NET1: variants seen among roughly 807,000 people sequenced by gnomAD.
NET1 encodes the protein neuroepithelial cell transforming 1.
Under a neutral mutation model 61.1 loss-of-function variants are expected in NET1, and 42 were observed. That is an observed-to-expected ratio of 0.69 (90% CI 0.54 to 0.89). The LOEUF (loss-of-function observed/expected upper bound fraction) is 0.89, where lower values mean the gene tolerates loss of function less well. NET1 is among the 40% of genes least tolerant of loss of function. NET1 has a pLI of 0.00. For missense variants in NET1, 654 were observed against 747.3 expected, an observed-to-expected ratio of 0.88 and a Z score of 1.46; for synonymous variants, 254 against 281.8, an observed-to-expected ratio of 0.90 and a Z score of 0.99.
Position 5,422,538 on chromosome 10 carries a change from C to A in NET1, c.129-4117C>A, listed in dbSNP as rs1353142342. Among the ~76,000 whole-genome samples, 7 of 152,156 alleles carry A rather than the reference C, an allele frequency of 4.6e-5. No individual in the cohort carries two copies. The highest frequency in any genetic ancestry group is 8.8e-5 in the Non-Finnish European group (6 of 68,034). ...TTCTGTTACTTGCTGTTGTCATTATCCCCTGTTCCCTCTTCCCTGAATTTG... is the reference window on the plus strand; with the variant it reads ...TTCTGTTACTTGCTGTTGTCATTATACCCTGTTCCCTCTTCCCTGAATTTG... On this transcript the variant is annotated intron_variant, in intron 1 of 11. Coordinates refer to ENST00000355029, the MANE Select transcript of NET1 (RefSeq NM_001047160.3). This position sits in a 1 kb window ranked among gnomAD's most constrained non-coding sequence, Gnocchi z 4.1.
chr10:5,453,650 C>CA lies in NET1; in HGVS notation c.768+92dup. The CA allele has an allele frequency of 9.0e-7, 1 of 1,108,922 alleles. No individual in the cohort carries two copies. The highest frequency in any genetic ancestry group is 1.3e-5 in the South Asian group (1 of 79,432). The allele number at this position is 1,108,922 out of a possible 1,614,324, so 68.7% of individuals were successfully genotyped here. On this transcript the variant is annotated intron_variant, in intron 8 of 11. Transcript: ENST00000355029. This position sits in a 1 kb window ranked among gnomAD's most constrained non-coding sequence, Gnocchi z 4.9. The stretch of plus-strand genomic sequence containing the variant: ...TGAATATGAGACAGATTTGATCCCA[C>CA]AACTCTGTTCTACAAACACATAAGG...
At chr10:5,414,329 C>A (rs185692136) in intron 1 of NET1, among the ~76,000 whole-genome samples, 1 of 152,130 alleles carries the variant, frequency 6.6e-6, no homozygotes, top group Non-Finnish European at 1.5e-5. Flanking sequence ...GAGCCAATGG[C>A]ATGACATATT....
In NET1 at chr10:5,421,392, G is replaced by C. The variant is rs944204235; in HGVS notation, c.129-5263G>C. 6.6e-6 allele frequency among the ~76,000 whole-genome samples: 1 copy of C among 152,094 alleles called. No homozygotes were observed. Among genetic ancestry groups the C allele is most frequent in the Non-Finnish European group, 1.5e-5 (1 of 68,006 alleles). On this transcript the variant is annotated intron_variant, in intron 1 of 11. Transcript: ENST00000355029. This position sits in a 1 kb window ranked among gnomAD's most constrained non-coding sequence, Gnocchi z 4.2. Reference sequence around the variant, plus strand: ...AGATTTGAAATAATGCTGTCCATTGGTAGAAAAATAATAGTATGACCTATG... The same window carrying C: ...AGATTTGAAATAATGCTGTCCATTGCTAGAAAAATAATAGTATGACCTATG...
chr10:5,434,473 G>A (rs1832394778), intron 3 of NET1, among the ~76,000 whole-genome samples: 1 of 152,084 alleles, frequency 6.6e-6, no homozygotes, highest in Non-Finnish European at 1.5e-5. Context: ...CCCAGATGAG[G>A]CTGCTATTCT....
At chr10:5,430,219 C>T (rs910448359) in intron 3 of NET1, among the ~76,000 whole-genome samples, 3 of 152,020 alleles carry the variant, frequency 2.0e-5, no homozygotes, top group Admixed American at 2.0e-4. Flanking sequence ...AAATCAAATA[C>T]AGAAATAGTA....
In NET1 at chr10:5,452,942, A is replaced by C. The variant is rs773178130; in HGVS notation, c.594+22A>C. On this transcript the variant is annotated intron_variant, in intron 6 of 11. Transcript: ENST00000355029. This position sits in a 1 kb window ranked among gnomAD's most constrained non-coding sequence, Gnocchi z 4.0. Reference sequence around the variant, plus strand: ...AAAGGTCAGTAAATAACTTTTTATCAGATGCCCTAGTTTTTAAAAATTACA... The same window carrying C: ...AAAGGTCAGTAAATAACTTTTTATCCGATGCCCTAGTTTTTAAAAATTACA... The C allele has an allele frequency of 8.3e-6, 12 of 1,451,574 alleles. No individual in the cohort carries two copies. Among genetic ancestry groups the C allele is most frequent in the Non-Finnish European group, 1.1e-5 (11 of 1,034,166 alleles). The allele number at this position is 1,451,574 out of a possible 1,614,324, so 89.9% of individuals were successfully genotyped here. A position where few individuals can be genotyped will look rare whatever the true frequency, so the allele number is the denominator to read the frequency against.
chr10:5,425,894 T>G (rs1399822896), intron 1 of NET1, among the ~76,000 whole-genome samples: 1 of 152,228 alleles, frequency 6.6e-6, no homozygotes, highest in Non-Finnish European at 1.5e-5. Flanking sequence ...CTTTATAAAC[T>G]GCCTTTATCT....
In NET1 at chr10:5,455,109, G is replaced by A; in HGVS notation, c.1188G>A (p.Lys396=). Residue 396 remains lysine (K), a synonymous_variant, in exon 10 of 12, where the codon AAG becomes AAA. Transcript: ENST00000355029. This position sits in a 1 kb window ranked among gnomAD's most constrained non-coding sequence, Gnocchi z 6.5. ...VLLCHGELRS[K]SGHKLYIFLF... is the part of the protein sequence containing the mutation. ...TGTGCCATGGGGAGCTGCGGAGCAA[G>A]AGTGGACATGTAGGTGACTTTTGCT... 6.2e-7 allele frequency: 1 copy of A among 1,613,298 alleles called. No homozygotes were observed. The highest frequency in any genetic ancestry group is 8.5e-7 in the Non-Finnish European group (1 of 1,179,978).
chr10:5,457,738 A>G lies in NET1; in HGVS notation c.*744A>G, dbSNP rs913475474. 2.6e-5 allele frequency: 4 copies of G among 152,276 alleles called. No individual in the cohort carries two copies. The highest frequency in any genetic ancestry group is 7.3e-5 in the African/African-American group (3 of 41,346). The allele number at this position is 152,276 out of a possible 1,614,324, so 9.4% of individuals were successfully genotyped here. A position where few individuals can be genotyped will look rare whatever the true frequency, so the allele number is the denominator to read the frequency against. On this transcript the variant is annotated 3_prime_UTR_variant, in exon 12 of 12. Transcript: ENST00000355029. This position sits in a 1 kb window ranked among gnomAD's most constrained non-coding sequence, Gnocchi z 5.4. ...TGTGTGTGTGTGTGTGTATATATAT[A>G]TATATTTTTAAATCACATTAATTTT...
Position 5,436,132 on chromosome 10 carries a change from AGTTTTCC to A in NET1, c.255+6911_255+6917del, listed in dbSNP as rs980164638. On this transcript the variant is annotated intron_variant, in intron 3 of 11. Transcript: ENST00000355029. ...TCTGAAACTTCAAATTTAGGATCTC[AGTTTTCC>A]GTTTTCCTAGAAGTTAAAAGGAGGT... Among the ~76,000 whole-genome samples the A allele has an allele frequency of 2.5e-4, 31 of 126,136 alleles. No individual in the cohort carries two copies. The East Asian group carries it at 5.3e-3, about 21-fold the overall frequency. 82.8% of individuals were successfully genotyped at this position (126,136 alleles called of 152,430 possible).
Position 5,416,741 on chromosome 10 carries a change from G to T in NET1, c.128+3921G>T, listed in dbSNP as rs112971977. On this transcript the variant is annotated intron_variant, in intron 1 of 11. Coordinates refer to ENST00000355029, the MANE Select transcript of NET1 (RefSeq NM_001047160.3). The surrounding 1 kb of genome is among the most constrained non-coding windows in gnomAD (Gnocchi z 6.1). ...GCACTGGAGGTGTGCTCGCTTCTTC[G>T]GTGCCCTGCTGTTCAAACCTCTAGG... is the stretch of plus-strand genomic sequence containing the variant. Among the ~76,000 whole-genome samples, 24 of 152,172 alleles carry T rather than the reference G, an allele frequency of 1.6e-4. 2 individuals carry two copies. The highest frequency in any genetic ancestry group is 5.1e-4 in the African/African-American group (21 of 41,502).
chr10:5,453,339 G>T lies in NET1; in HGVS notation c.684G>T (p.Leu228=). 4.4e-6 allele frequency: 7 copies of T among 1,607,186 alleles called. No individual in the cohort carries two copies. Among genetic ancestry groups the T allele is most frequent in the Non-Finnish European group, 6.0e-6 (7 of 1,173,738 alleles). Residue 228 remains leucine (L), a synonymous_variant, in exon 7 of 12, where the codon CTG becomes CTT. Coordinates refer to ENST00000355029, the MANE Select transcript of NET1 (RefSeq NM_001047160.3). This position sits in a 1 kb window ranked among gnomAD's most constrained non-coding sequence, Gnocchi z 4.9. ...GTGATCTGGACTCTTACATACCTCT[G>T]CATGAAGGTTAGATGTGCCACTTAA... The part of the protein sequence containing the change: ...IFGDLDSYIP[L]HEDLLTRIGE...
In NET1 at chr10:5,415,931, C is replaced by T. The variant is rs963955807; in HGVS notation, c.128+3111C>T. On this transcript the variant is annotated intron_variant, in intron 1 of 11. Coordinates refer to ENST00000355029, the MANE Select transcript of NET1 (RefSeq NM_001047160.3). The surrounding 1 kb of genome is among the most constrained non-coding windows in gnomAD (Gnocchi z 4.7). The stretch of plus-strand genomic sequence containing the variant: ...TACTTGTCTATTTTTGCTTTTGTTG[C>T]CTGTGTTTTGGTGTCACATCCAAGA... Among the ~76,000 whole-genome samples the T allele has an allele frequency of 6.6e-6, 1 of 152,130 alleles. No individual in the cohort carries two copies. Among genetic ancestry groups the T allele is most frequent in the Non-Finnish European group, 1.5e-5 (1 of 68,028 alleles).
intron 3 of NET1, among the ~76,000 whole-genome samples, chr10:5,442,770 G>A (rs906000717): frequency 6.6e-5 from 10 of 151,928 alleles, no homozygotes; most frequent in South Asian, 2.1e-4. Flanking sequence ...TGGCACACTC[G>A]GGAGGCTGAG....
chr10:5,434,230 A>G (rs766670687), intron 3 of NET1, among the ~76,000 whole-genome samples: 1 of 152,168 alleles, frequency 6.6e-6, no homozygotes, highest in Non-Finnish European at 1.5e-5. Context: ...GTGATTTTTC[A>G]AAGTATGGTT....
At chr10:5,413,158 G>A (rs1031562021) in intron 1 of NET1, among the ~76,000 whole-genome samples, 4 of 152,132 alleles carry the variant, frequency 2.6e-5, no homozygotes, top group Non-Finnish European at 5.9e-5. Context: ...CTGTGGCAAA[G>A]GGGCGGGTTT....
Position 5,457,855 on chromosome 10 carries a change from G to A in NET1, c.*861G>A, listed in dbSNP as rs1201131369. The A allele has an allele frequency of 6.6e-6, 1 of 152,558 alleles. No individual in the cohort carries two copies. The highest frequency in any genetic ancestry group is 2.4e-5 in the African/African-American group (1 of 41,432). 9.5% of individuals were successfully genotyped at this position (152,558 alleles called of 1,614,324 possible). A position where few individuals can be genotyped will look rare whatever the true frequency, so the allele number is the denominator to read the frequency against. On this transcript the variant is annotated 3_prime_UTR_variant, in exon 12 of 12. Transcript: ENST00000355029. The surrounding 1 kb of genome is among the most constrained non-coding windows in gnomAD (Gnocchi z 5.4). ...ATTTCAGGGTAAAGACCCATGAAAT[G>A]GCTTGATGTATTCTAGACTACTGAA...
chr10:5,412,902 GCA>G lies in NET1; in HGVS notation c.128+83_128+84del. 4 of 936,302 alleles carry G rather than the reference GCA, an allele frequency of 4.3e-6. No homozygotes were observed. Among genetic ancestry groups the G allele is most frequent in the Non-Finnish European group, 5.4e-6 (4 of 735,932 alleles). 58.0% of individuals were successfully genotyped at this position (936,302 alleles called of 1,614,324 possible). On this transcript the variant is annotated intron_variant, in intron 1 of 11. Transcript: ENST00000355029. The surrounding 1 kb of genome is among the most constrained non-coding windows in gnomAD (Gnocchi z 6.5). ...CGAACGGGAGGTGAGTGTTGGAGAGGCAAGGGCCGGGGGGAGGGGAGGGCTGG... is the reference window on the plus strand; with the variant it reads ...CGAACGGGAGGTGAGTGTTGGAGAGGAGGGCCGGGGGGAGGGGAGGGCTGG...
At position 5,454,784 on chromosome 10, in the gene NET1, C is replaced by T. The variant is rs1588441449; in HGVS notation, c.1027-164C>T. On this transcript the variant is annotated intron_variant, in intron 9 of 11. Coordinates refer to ENST00000355029, the MANE Select transcript of NET1 (RefSeq NM_001047160.3). The surrounding 1 kb of genome is among the most constrained non-coding windows in gnomAD (Gnocchi z 8.1). ...AACAAATCACTCAATTTGGCTAGGA[C>T]TGTTTCTTGATCTATAAAATGAACA... 1.3e-5 allele frequency among the ~76,000 whole-genome samples: 2 copies of T among 152,314 alleles called. No individual in the cohort carries two copies. Among genetic ancestry groups the T allele is most frequent in the East Asian group, 3.9e-4 (2 of 5,190 alleles).
Sources: allele counts gnomAD v4.1 joint callset (sites outside exome capture counted in the v4.1 genomes callset), GRCh38; gene constraint gnomAD v4.1.1; non-coding constraint Gnocchi (gnomAD v3.1); transcripts MANE v1.5; gene names NCBI Gene and HGNC (gene_info 2026-07-23, HGNC 2026-07-21).